Variants in ACTN1 observed in about 807,000 individuals in gnomAD.
ACTN1 encodes alpha-actinin-1.
ACTN1 carries 30 observed loss-of-function variants against 119.6 expected under a neutral mutation model. The observed-to-expected ratio is 0.25, with a 90% CI of 0.19 to 0.34. The LOEUF is 0.34. Ranked by LOEUF, ACTN1 falls within the 10% of genes least tolerant of loss-of-function variation. ACTN1 has a pLI of 1.00. For missense variants in ACTN1, 764 were observed against 1,223.4 expected, an observed-to-expected ratio of 0.62 and a Z score of 5.60; for synonymous variants, 429 against 472.6, an observed-to-expected ratio of 0.91 and a Z score of 1.20.
In ACTN1 at chr14:68,912,022, C is replaced by T. The variant is rs114936945; in HGVS notation, c.427+134G>A. The T allele has an allele frequency of 3.4e-4, 243 of 709,162 alleles. No individual in the cohort carries two copies. In the African/African-American group the frequency reaches 4.0e-3, roughly 12 times the overall value. The allele number at this position is 709,162 out of a possible 1,614,324, so 43.9% of individuals were successfully genotyped here. ...ATTGACTGGAGGAGAAGGCTGATGCCCAATAAATGAGCAAGAAGCCCAGGA... is the reference window on the plus strand; with the variant it reads ...ATTGACTGGAGGAGAAGGCTGATGCTCAATAAATGAGCAAGAAGCCCAGGA... On this transcript the variant is annotated intron_variant, in intron 4 of 21. Transcript: ENST00000394419.
chr14:68,946,677 G>T (rs2140515169), intron 1 of ACTN1, among the ~76,000 whole-genome samples: 1 of 152,238 alleles, frequency 6.6e-6, no homozygotes, highest in Middle Eastern at 3.4e-3. Context: ...CTGGGGCCCT[G>T]GTTTTCAGAA....
chr14:68,929,816 A>G (rs1566649005), intron 1 of ACTN1, among the ~76,000 whole-genome samples: 1 of 152,218 alleles, frequency 6.6e-6, no homozygotes, highest in South Asian at 2.1e-4. Flanking sequence ...CAGCCTCTCA[A>G]TGACCTCGAA....
chr14:68,933,785 C>G (rs983042001), intron 1 of ACTN1, among the ~76,000 whole-genome samples: 10 of 151,962 alleles, frequency 6.6e-5, no homozygotes, highest in African/African-American at 2.2e-4. Flanking sequence ...AGTTCGAGAC[C>G]AGCCTGGGCA....
rs751123192 is a variant in ACTN1, at chr14:68,880,835, T to A, written c.2108A>T (p.Asn703Ile). Residue 703 changes from asparagine (N) to isoleucine (I), a missense_variant, in exon 17 of 22, where the codon AAC (asparagine) becomes ATC (isoleucine). This residue lies in a region of ACTN1 where 544 missense variants were observed against 912.0 expected (regional missense o/e 0.60). Transcript: ENST00000394419. The surrounding 1 kb of genome is among the most constrained non-coding windows in gnomAD (Gnocchi z 4.6). ...QLIQEALIFDNKHTNYTMEHI... is the reference protein window; with the variant it reads ...QLIQEALIFDIKHTNYTMEHI... ...CTCCATGGTGTAGTTGGTGTGCTTGTTGTCGAAGATGAGCGCCTCCTGGAT... is the reference window on the plus strand; with the variant it reads ...CTCCATGGTGTAGTTGGTGTGCTTGATGTCGAAGATGAGCGCCTCCTGGAT... 6.2e-7 allele frequency: 1 copy of A among 1,614,154 alleles called. No homozygotes were observed. The highest frequency in any genetic ancestry group is 1.1e-5 in the South Asian group (1 of 91,084).
In ACTN1 at chr14:68,918,458, C is replaced by T. The variant is rs77490201; in HGVS notation, c.340+2548G>A. On this transcript the variant is annotated intron_variant, in intron 3 of 21. Transcript: ENST00000394419. The stretch of plus-strand genomic sequence containing the variant: ...AAAATTAGCCAGGCGTGGTGGTGGG[C>T]GCCTGTAGTCCCAGCTACTCGGGAG... 3.3e-5 allele frequency among the ~76,000 whole-genome samples: 5 copies of T among 151,696 alleles called. No homozygotes were observed. In the South Asian group the frequency reaches 8.3e-4, roughly 25 times the overall value.
At position 68,885,012 on chromosome 14, in the gene ACTN1, C is replaced by T. The variant is rs1233476202; in HGVS notation, c.1386-129G>A. On this transcript the variant is annotated intron_variant, in intron 12 of 21. Coordinates refer to ENST00000394419, the MANE Select transcript of ACTN1 (RefSeq NM_001130004.2). This position sits in a 1 kb window ranked among gnomAD's most constrained non-coding sequence, Gnocchi z 5.6. ...AGCCAGGGGCGCTCCCTTCAAGAGA[C>T]CTTCCAGGCACTCCTTCCACCCCTC... is the stretch of plus-strand genomic sequence containing the variant. The T allele has an allele frequency of 2.8e-6, 2 of 715,546 alleles. No homozygotes were observed. The highest frequency in any genetic ancestry group is 2.4e-6 in the Non-Finnish European group (1 of 419,826). The allele number at this position is 715,546 out of a possible 1,614,324, so 44.3% of individuals were successfully genotyped here.
chr14:68,881,926 T>C (rs1009162361), intron 16 of ACTN1, among the ~76,000 whole-genome samples: 5 of 145,260 alleles, frequency 3.4e-5, no homozygotes, highest in Non-Finnish European at 7.5e-5. Context: ...GGGACTTTCA[T>C]AGGCAGCTTC....
At chr14:68,906,390 T>C (rs1338322297) in intron 6 of ACTN1, among the ~76,000 whole-genome samples, 1 of 152,188 alleles carries the variant, frequency 6.6e-6, no homozygotes, top group Non-Finnish European at 1.5e-5. Flanking sequence ...GGACTCAGTT[T>C]CCCTGTTTGC....
intron 1 of ACTN1, among the ~76,000 whole-genome samples, chr14:68,951,350 A>G (rs912868234): frequency 2.0e-5 from 3 of 152,154 alleles, no homozygotes; most frequent in Non-Finnish European, 4.4e-5. Context: ...ACCGTCCTCC[A>G]CTACAGGAGA....
intron 3 of ACTN1, among the ~76,000 whole-genome samples, chr14:68,916,781 T>G (rs1041049077): frequency 6.6e-6 from 1 of 152,232 alleles, no homozygotes; most frequent in African/African-American, 2.4e-5. Flanking sequence ...GTAGACCTTC[T>G]TGGTCTACAG....
chr14:68,909,473 C>T lies in ACTN1; in HGVS notation c.516-77G>A, dbSNP rs2033870730. 3 of 1,339,200 alleles carry T rather than the reference C, an allele frequency of 2.2e-6. No homozygotes were observed. Among genetic ancestry groups the T allele is most frequent in the Non-Finnish European group, 3.2e-6 (3 of 939,878 alleles). The allele number at this position is 1,339,200 out of a possible 1,614,324, so 83.0% of individuals were successfully genotyped here. A position where few individuals can be genotyped will look rare whatever the true frequency, so the allele number is the denominator to read the frequency against. On this transcript the variant is annotated intron_variant, in intron 5 of 21. Coordinates refer to ENST00000394419, the MANE Select transcript of ACTN1 (RefSeq NM_001130004.2). The surrounding 1 kb of genome is among the most constrained non-coding windows in gnomAD (Gnocchi z 4.1). Reference sequence around the variant, plus strand: ...CGGGCAACCAGGGCAAAGCAGGGGCCTCCTAGACACCAGAGAGATGAACAC... The same window carrying T: ...CGGGCAACCAGGGCAAAGCAGGGGCTTCCTAGACACCAGAGAGATGAACAC...
intron 8 of ACTN1, among the ~76,000 whole-genome samples, chr14:68,898,957 CCA>C (rs923924770): frequency 2.1e-4 from 32 of 149,484 alleles, no homozygotes; most frequent in Admixed American, 1.2e-3. Flanking sequence ...CCCCTTCACT[CCA>C]CACACACACA....
intron 7 of ACTN1, 103 bp downstream of exon 7, chr14:68,904,552 G>T: frequency 1.0e-6 from 1 of 978,950 alleles, no homozygotes; most frequent in Non-Finnish European, 1.6e-6. Flanking sequence ...AGAAGACCAG[G>T]CCTCCTCCCG....
In ACTN1 at chr14:68,879,708, CA is replaced by C. The variant is rs58263177; in HGVS notation, c.2280+253del. The stretch of plus-strand genomic sequence containing the variant: ...CTCCTCATGGTAGGAGAGCAAGGAT[CA>C]GGGGTCAAAGGTCCTCTTTCTACCC... On this transcript the variant is annotated intron_variant, in intron 18 of 21. Coordinates refer to ENST00000394419, the MANE Select transcript of ACTN1 (RefSeq NM_001130004.2). The surrounding 1 kb of genome is among the most constrained non-coding windows in gnomAD (Gnocchi z 4.9). 0.086 allele frequency among the ~76,000 whole-genome samples: 13,103 copies of C among 152,242 alleles called. 733 individuals carry two copies. Among genetic ancestry groups the C allele is most frequent in the African/African-American group, 0.15 (6,398 of 41,538 alleles).
intron 1 of ACTN1, among the ~76,000 whole-genome samples, chr14:68,970,740 AAC>A (rs2036856914): frequency 6.6e-6 from 1 of 152,186 alleles, no homozygotes; most frequent in South Asian, 2.1e-4. Context: ...TCAACTGAAA[AAC>A]ACAGAGAAAT....
Position 68,881,808 on chromosome 14 carries a change from G to A in ACTN1, c.1953+650C>T, listed in dbSNP as rs147566394. ...TCTGGGAAGATCAATCATTTTCTTT[G>A]GCCAGGCTCATTGCTCAGGAGGAGG... On this transcript the variant is annotated intron_variant, in intron 16 of 21. Coordinates refer to ENST00000394419, the MANE Select transcript of ACTN1 (RefSeq NM_001130004.2). 2.2e-3 allele frequency among the ~76,000 whole-genome samples: 328 copies of A among 152,124 alleles called. 1 individual carries two copies. Among genetic ancestry groups the A allele is most frequent in the Non-Finnish European group, 3.7e-3 (253 of 68,016 alleles).
chr14:68,880,168 C>A lies in ACTN1; in HGVS notation c.2134-60G>T. 1 of 1,578,376 alleles carries A rather than the reference C, an allele frequency of 6.3e-7. No homozygotes were observed. ...TCCCAGGCCTGGGCTCCTGGCGGCC[C>A]CTGCCCATCCTACTCCCCAACCATC... On this transcript the variant is annotated intron_variant, in intron 17 of 21. Transcript: ENST00000394419. The surrounding 1 kb of genome is among the most constrained non-coding windows in gnomAD (Gnocchi z 4.6).
At chr14:68,913,610 G>C (rs998092959) in intron 3 of ACTN1, among the ~76,000 whole-genome samples, 1 of 152,350 alleles carries the variant, frequency 6.6e-6, no homozygotes, top group East Asian at 1.9e-4. Context: ...GACCAGCCGG[G>C]TGTAGTCCAT....
chr14:68,890,054 A>G (rs1439873200), intron 11 of ACTN1, 85 bp downstream of exon 11: 59 of 1,524,982 alleles, frequency 3.9e-5, no homozygotes, highest in Non-Finnish European at 8.8e-7. Flanking sequence ...AATGAAAAGC[A>G]AAGAATAGCA....
Sources: gnomAD v4.1 joint callset for allele counts (sites outside exome capture counted in the v4.1 genomes callset) on GRCh38, gnomAD v4.1.1 for gene constraint, gnomAD v4.1.1 regional missense constraint, Gnocchi (gnomAD v3.1) non-coding constraint, MANE v1.5 for transcripts, NCBI Gene and HGNC (gene_info 2026-07-23, HGNC 2026-07-21) for gene names.